The following PGR variants were observed in gnomAD, a reference collection of about 807,000 sequenced individuals.
PGR encodes nuclear receptor subfamily 3 group C member 3.
In PGR, 25 loss-of-function variants were observed where a neutral mutation model predicts 76.1. That is an observed-to-expected ratio of 0.33 (90% CI 0.24 to 0.46). The LOEUF (loss-of-function observed/expected upper bound fraction) is 0.46. Ranked by LOEUF, PGR falls within the 20% of genes least tolerant of loss-of-function variation. The pLI, the probability that PGR is intolerant of heterozygous loss-of-function variation, is 1.00. For synonymous variants in PGR, 579 were observed against 535.0 expected, an observed-to-expected ratio of 1.08 and a Z score of -1.14; for missense variants, 1,172 against 1,225.3, an observed-to-expected ratio of 0.96 and a Z score of 0.65.
chr11:101,122,176 C>T (rs1326832927), intron 2 of PGR, among the ~76,000 whole-genome samples: 1 of 682 alleles, frequency 1.5e-3, no homozygotes, highest in Non-Finnish European at 3.7e-3. Flanking sequence ...AAAAAGTGAG[C>T]ATAATATGCA....
intron 2 of PGR, among the ~76,000 whole-genome samples, chr11:101,121,557 C>T (rs1468980897): frequency 6.6e-6 from 1 of 152,200 alleles, no homozygotes; most frequent in Non-Finnish European, 1.5e-5. Context: ...GTTTCCTCTG[C>T]AGTCTATTTA....
chr11:101,106,912 G>A (rs751644620), intron 2 of PGR, among the ~76,000 whole-genome samples: 20 of 152,140 alleles, frequency 1.3e-4, no homozygotes, highest in East Asian at 7.7e-4. Flanking sequence ...CATGTTCTTC[G>A]CAGGGACATG....
At chr11:101,055,780 G>A (rs780808889) in intron 4 of PGR, among the ~76,000 whole-genome samples, 8 of 151,842 alleles carry the variant, frequency 5.3e-5, no homozygotes, top group South Asian at 2.1e-4. Context: ...TTTTGTTTTC[G>A]TCTTTTTGCT....
At chr11:101,125,162 T>C (rs949590275) in intron 2 of PGR, among the ~76,000 whole-genome samples, 1 of 152,172 alleles carries the variant, frequency 6.6e-6, no homozygotes, top group African/African-American at 2.4e-5. Flanking sequence ...ATTGCTGGTA[T>C]TAAAATATGA....
At chr11:101,082,107 G>A (rs1861330971) in intron 3 of PGR, among the ~76,000 whole-genome samples, 1 of 151,372 alleles carries the variant, frequency 6.6e-6, no homozygotes, top group Non-Finnish European at 1.5e-5. Context: ...GTTTAAAAGT[G>A]GTGGCACTTC....
Position 101,030,920 on chromosome 11 carries a change from C to T in PGR, c.*8196G>A, listed in dbSNP as rs1443618787. ...GTAGGGCAAAGAGGACAAATGCCTA[C>T]ATTCTGAGACTGAAAGTTGAAGGAG... On this transcript the variant is annotated 3_prime_UTR_variant, in exon 8 of 8. Coordinates refer to ENST00000325455, the MANE Select transcript of PGR (RefSeq NM_000926.4). 1 of 189,526 alleles carries T rather than the reference C, an allele frequency of 5.3e-6. No homozygotes were observed. 11.7% of individuals were successfully genotyped at this position (189,526 alleles called of 1,614,324 possible). A position where few individuals can be genotyped will look rare whatever the true frequency, so the allele number is the denominator to read the frequency against.
chr11:101,069,526 T>C (rs1487168084), intron 3 of PGR, among the ~76,000 whole-genome samples: 4 of 148,390 alleles, frequency 2.7e-5, no homozygotes, highest in Admixed American at 6.8e-5. Flanking sequence ...ACCCAAAGGA[T>C]TATAAATCAT....
At chr11:101,122,152 C>CA (rs56163757) in intron 2 of PGR, among the ~76,000 whole-genome samples, 6,709 of 102,238 alleles carry the variant, frequency 0.066, 656 homozygotes, top group African/African-American at 0.22. Flanking sequence ...GACTCCGTCT[C>CA]AAAAAAAAAA....
chr11:101,061,071 C>A (rs557283720), intron 4 of PGR, among the ~76,000 whole-genome samples: 5 of 152,110 alleles, frequency 3.3e-5, no homozygotes, highest in African/African-American at 1.2e-4. Flanking sequence ...TCAACAAAAA[C>A]CAAAGAAATC....
In PGR at chr11:101,032,056, T is replaced by C. The variant is rs1859370874; in HGVS notation, c.*7060A>G. The C allele has an allele frequency of 4.3e-6, 1 of 232,748 alleles. No individual in the cohort carries two copies. The highest frequency in any genetic ancestry group is 1.8e-4 in the South Asian group (1 of 5,534). The allele number at this position is 232,748 out of a possible 1,614,324, so 14.4% of individuals were successfully genotyped here. On this transcript the variant is annotated 3_prime_UTR_variant, in exon 8 of 8. Coordinates refer to ENST00000325455, the MANE Select transcript of PGR (RefSeq NM_000926.4). ...TTCTGGGACTTGGGAAAACTAAGTT[T>C]TGTAGTTTTTGGTTTCCTGATGAAA...
intron 4 of PGR, among the ~76,000 whole-genome samples, chr11:101,061,873 C>G (rs969388994): frequency 6.6e-6 from 1 of 152,122 alleles, no homozygotes; most frequent in African/African-American, 2.4e-5. Flanking sequence ...AATCCAAGTT[C>G]TCTCTGTTGC....
chr11:101,083,590 C>T (rs531952679), intron 3 of PGR, among the ~76,000 whole-genome samples: 9 of 152,306 alleles, frequency 5.9e-5, no homozygotes, highest in Admixed American at 2.6e-4. Flanking sequence ...GGGAGCCCAT[C>T]CCTTGCATCA....
intron 4 of PGR, among the ~76,000 whole-genome samples, chr11:101,056,243 A>ACC (rs539527701): frequency 7.1e-5 from 1 of 14,006 alleles, no homozygotes; most frequent in African/African-American, 1.3e-4. Flanking sequence ...TAAAAAAAAA[A>ACC]ACACTTTTCC....
At chr11:101,043,771 T>C (rs1014061417) in intron 6 of PGR, among the ~76,000 whole-genome samples, 1 of 152,218 alleles carries the variant, frequency 6.6e-6, no homozygotes, top group African/African-American at 2.4e-5. Flanking sequence ...ACTAGGTGCA[T>C]TGTCAATGAG....
At chr11:101,121,746 G>A (rs1862683880) in intron 2 of PGR, among the ~76,000 whole-genome samples, 1 of 152,286 alleles carries the variant, frequency 6.6e-6, no homozygotes, top group East Asian at 1.9e-4. Flanking sequence ...CAGCCAGCAA[G>A]GTCTCTCGTT....
In PGR at chr11:101,037,478, C is replaced by A. The variant is rs1481308757; in HGVS notation, c.*1638G>T. On this transcript the variant is annotated 3_prime_UTR_variant, in exon 8 of 8. Transcript: ENST00000325455. ...AAGAAAGTTTTTATGCTGAGGTTTA[C>A]AGTACAAAACAATTTAAGGCTACAT... The A allele has an allele frequency of 4.5e-6, 1 of 224,504 alleles. No homozygotes were observed. Among genetic ancestry groups the A allele is most frequent in the East Asian group, 6.5e-5 (1 of 15,474 alleles). 13.9% of individuals were successfully genotyped at this position (224,504 alleles called of 1,614,324 possible).
chr11:101,105,028 G>GAGAGGA (rs1207874898), intron 2 of PGR, among the ~76,000 whole-genome samples: 6 of 152,176 alleles, frequency 3.9e-5, no homozygotes, highest in Non-Finnish European at 8.8e-5. Flanking sequence ...AAAGGAATTA[G>GAGAGGA]AGAGGAAAGA....
In PGR at chr11:101,030,991, T is replaced by A. The variant is rs543699019; in HGVS notation, c.*8125A>T. 5.8e-5 allele frequency: 11 copies of A among 188,512 alleles called. No individual in the cohort carries two copies. The highest frequency in any genetic ancestry group is 1.0e-4 in the Non-Finnish European group (9 of 89,476). 11.7% of individuals were successfully genotyped at this position (188,512 alleles called of 1,614,324 possible). A position where few individuals can be genotyped will look rare whatever the true frequency, so the allele number is the denominator to read the frequency against. ...GGGAAGTCCAGGAAGATCAAGCCTTTTATGCTTGCCTGTAAAGTCTGCAAC... is the reference window on the plus strand; with the variant it reads ...GGGAAGTCCAGGAAGATCAAGCCTTATATGCTTGCCTGTAAAGTCTGCAAC... On this transcript the variant is annotated 3_prime_UTR_variant, in exon 8 of 8. Coordinates refer to ENST00000325455, the MANE Select transcript of PGR (RefSeq NM_000926.4).
Position 101,060,904 on chromosome 11 carries a change from G to C in PGR, c.2212+1543C>G, listed in dbSNP as rs35897420. Among the ~76,000 whole-genome samples the C allele has an allele frequency of 7.0e-3, 1,059 of 152,112 alleles. 15 individuals carry two copies. Among genetic ancestry groups the C allele is most frequent in the African/African-American group, 0.024 (1,007 of 41,516 alleles). ...GGGTCAAAAAGTCCTGATAGATAAC[G>C]GTTTCCGGTTAAAAAGGTCACTTAG... On this transcript the variant is annotated intron_variant, in intron 4 of 7. Transcript: ENST00000325455.
Sources: gnomAD v4.1 joint callset for allele counts (sites outside exome capture counted in the v4.1 genomes callset) on GRCh38, gnomAD v4.1.1 for gene constraint, MANE v1.5 for transcripts, NCBI Gene and HGNC (gene_info 2026-07-23, HGNC 2026-07-21) for gene names.